The following NEGR1 variants were observed in gnomAD, a reference collection of about 807,000 sequenced individuals.
The protein encoded by NEGR1 is neuronal growth regulator 1.
A neutral mutation model predicts 40.9 loss-of-function variants in NEGR1; 10 were observed. That is an observed-to-expected ratio of 0.24 (90% CI 0.15 to 0.42). NEGR1 has a LOEUF of 0.42. Among genes scored for constraint, NEGR1 ranks in the 10% least tolerant of loss-of-function variants. The probability of loss-of-function intolerance (pLI) is 1.00; values close to 1 mark genes in which losing one functional copy is unlikely to be tolerated. For missense variants in NEGR1, 352 were observed against 438.9 expected, an observed-to-expected ratio of 0.80 and a Z score of 1.77; for synonymous variants, 185 against 166.8, an observed-to-expected ratio of 1.11 and a Z score of -0.84.
At chr1:71,856,965 G>T (rs1659789385) in intron 2 of NEGR1, among the ~76,000 whole-genome samples, 1 of 152,040 alleles carries the variant, frequency 6.6e-6, no homozygotes, top group Admixed American at 6.6e-5. Context: ...CAAAGAGATG[G>T]ATTTCCATTC....
At chr1:71,408,288 G>A (rs918683977) in intron 6 of NEGR1, among the ~76,000 whole-genome samples, 5 of 152,046 alleles carry the variant, frequency 3.3e-5, no homozygotes, top group African/African-American at 7.2e-5. Context: ...TTTGAGGCCC[G>A]AAGTGGAGGG....
intron 3 of NEGR1, among the ~76,000 whole-genome samples, chr1:71,749,511 G>A (rs1323239458): frequency 6.6e-6 from 1 of 152,148 alleles, no homozygotes; most frequent in African/African-American, 2.4e-5. Context: ...GGAAAGGATA[G>A]TTATTAATTT....
intron 1 of NEGR1, among the ~76,000 whole-genome samples, chr1:72,201,110 G>T (rs2100446668): frequency 6.6e-6 from 1 of 151,692 alleles, no homozygotes; most frequent in South Asian, 2.1e-4. Context: ...AATTTCTAAT[G>T]CCTTCATTTT....
At chr1:72,274,052 T>C (rs888298169) in intron 1 of NEGR1, among the ~76,000 whole-genome samples, 4 of 151,706 alleles carry the variant, frequency 2.6e-5, no homozygotes, top group South Asian at 2.1e-4. Context: ...TAGAAATCAT[T>C]TGGAGCCATT....
chr1:71,968,490 A>G (rs984531911), intron 1 of NEGR1, among the ~76,000 whole-genome samples: 1 of 152,210 alleles, frequency 6.6e-6, no homozygotes, highest in Non-Finnish European at 1.5e-5. Context: ...CGTGAACAAA[A>G]CACATAAAAA....
chr1:71,465,679 G>T (rs1318390548), intron 6 of NEGR1, among the ~76,000 whole-genome samples: 1 of 151,964 alleles, frequency 6.6e-6, no homozygotes, highest in Non-Finnish European at 1.5e-5. Flanking sequence ...TTACTGGAGT[G>T]ATGTTTGGAG....
chr1:71,686,497 C>G (rs1244986237), intron 4 of NEGR1, among the ~76,000 whole-genome samples: 1 of 152,042 alleles, frequency 6.6e-6, no homozygotes, highest in Non-Finnish European at 1.5e-5. Context: ...TTCCCATTAA[C>G]TAGAAAGGAA....
At chr1:72,010,356 C>A (rs1646645464) in intron 1 of NEGR1, among the ~76,000 whole-genome samples, 1 of 152,036 alleles carries the variant, frequency 6.6e-6, no homozygotes. Context: ...TGGATAAAAA[C>A]AGAAAGGAAA....
intron 1 of NEGR1, among the ~76,000 whole-genome samples, chr1:72,012,402 C>T (rs529182577): frequency 8.5e-5 from 13 of 152,098 alleles, no homozygotes; most frequent in Non-Finnish European, 1.3e-4. Flanking sequence ...TGTCACAGGA[C>T]CTCCCTTGCT....
At chr1:71,710,329 A>G (rs1654036644) in intron 3 of NEGR1, among the ~76,000 whole-genome samples, 1 of 152,198 alleles carries the variant, frequency 6.6e-6, no homozygotes, top group African/African-American at 2.4e-5. Context: ...ATTCCCCTAA[A>G]ACTAAAAATT....
chr1:72,016,891 A>G (rs979801562), intron 1 of NEGR1, among the ~76,000 whole-genome samples: 25 of 152,168 alleles, frequency 1.6e-4, no homozygotes, highest in Non-Finnish European at 1.5e-5. Context: ...AAACAGAGTT[A>G]TTCATCTGAA....
chr1:71,873,298 G>T (rs1408190030), intron 2 of NEGR1, among the ~76,000 whole-genome samples: 1 of 151,712 alleles, frequency 6.6e-6, no homozygotes, highest in African/African-American at 2.4e-5. Flanking sequence ...GTCCATGAAA[G>T]AACATTATCT....
intron 5 of NEGR1, among the ~76,000 whole-genome samples, chr1:71,593,649 C>T (rs1474266839): frequency 1.3e-5 from 2 of 152,198 alleles, no homozygotes; most frequent in African/African-American, 4.8e-5. Flanking sequence ...CAAATTCAAA[C>T]TAATTGTCCA....
intron 1 of NEGR1, among the ~76,000 whole-genome samples, chr1:72,020,839 A>C (rs1646750011): frequency 2.0e-5 from 3 of 152,232 alleles, no homozygotes; most frequent in African/African-American, 7.2e-5. Context: ...ACTAGCATAC[A>C]AATATATAAT....
intron 1 of NEGR1, among the ~76,000 whole-genome samples, chr1:72,239,628 A>C (rs887895282): frequency 2.6e-5 from 4 of 151,896 alleles, no homozygotes; most frequent in Non-Finnish European, 4.4e-5. Flanking sequence ...AAAGTTTCTC[A>C]ATATAACGAT....
At chr1:71,431,038 C>T (rs1487979156) in intron 6 of NEGR1, among the ~76,000 whole-genome samples, 2 of 151,140 alleles carry the variant, frequency 1.3e-5, no homozygotes, top group African/African-American at 2.4e-5. Context: ...TGAGCCACCG[C>T]GCCCGGCCAA....
intron 3 of NEGR1, among the ~76,000 whole-genome samples, chr1:71,706,174 G>A (rs758827687): frequency 2.0e-5 from 3 of 152,204 alleles, no homozygotes; most frequent in African/African-American, 2.4e-5. Flanking sequence ...TTGGACGCTG[G>A]GGGAGGGAGA....
At chr1:71,658,557 T>C (rs78350643) in intron 4 of NEGR1, among the ~76,000 whole-genome samples, 4,321 of 152,244 alleles carry the variant, frequency 0.028, 164 homozygotes, top group African/African-American at 0.089. Context: ...TGGTGTCTAT[T>C]GCACTTTCAT....
At chr1:71,911,422 A>C (rs1428363522) in intron 2 of NEGR1, among the ~76,000 whole-genome samples, 1 of 152,172 alleles carries the variant, frequency 6.6e-6, no homozygotes, top group African/African-American at 2.4e-5. Flanking sequence ...ACTACTCTGC[A>C]TTTTAATTTT....
Sources: gnomAD v4.1 joint callset for allele counts (sites outside exome capture counted in the v4.1 genomes callset) on GRCh38, gnomAD v4.1.1 for gene constraint, MANE v1.5 for transcripts, NCBI Gene and HGNC (gene_info 2026-07-23, HGNC 2026-07-21) for gene names.